Variants in DOCK1 observed in about 807,000 individuals in gnomAD.
The protein encoded by DOCK1 is dedicator of cytokinesis protein 1.
In DOCK1, 138 loss-of-function variants were observed where a neutral mutation model predicts 262.7. That is an observed-to-expected ratio of 0.53 (90% CI 0.46 to 0.61). DOCK1 has a LOEUF of 0.61. DOCK1 is among the 20% of genes least tolerant of loss of function. The pLI is 0.00. For synonymous variants in DOCK1, 866 were observed against 867.4 expected, an observed-to-expected ratio of 1.00 and a Z score of 0.03; for missense variants, 1,908 against 2,370.7, an observed-to-expected ratio of 0.80 and a Z score of 4.05.
chr10:127,196,516 G>A (rs1349070287), intron 27 of DOCK1, among the ~76,000 whole-genome samples: 3 of 147,934 alleles, frequency 2.0e-5, no homozygotes, highest in East Asian at 2.0e-4. Context: ...GGAGCCGGGC[G>A]GCCAGAGGCG....
intron 35 of DOCK1, among the ~76,000 whole-genome samples, chr10:127,377,752 C>T (rs749278404): frequency 6.6e-6 from 1 of 151,840 alleles, no homozygotes; most frequent in Non-Finnish European, 1.5e-5. Flanking sequence ...ATTAGCTGGG[C>T]ATGGTGTTGG....
At chr10:127,148,124 C>T (rs904407423) in intron 27 of DOCK1, among the ~76,000 whole-genome samples, 18 of 151,544 alleles carry the variant, frequency 1.2e-4, no homozygotes, top group African/African-American at 3.6e-4. Context: ...CACAGCAATG[C>T]GTTTCACAAG....
intron 47 of DOCK1, among the ~76,000 whole-genome samples, chr10:127,431,720 G>A (rs1420966745): frequency 6.6e-6 from 1 of 152,188 alleles, no homozygotes; most frequent in Non-Finnish European, 1.5e-5. Flanking sequence ...TTGACAGGCA[G>A]GCCATGCTCA....
chr10:127,395,600 T>C (rs1342796368), intron 38 of DOCK1, among the ~76,000 whole-genome samples: 3 of 152,176 alleles, frequency 2.0e-5, no homozygotes, highest in Non-Finnish European at 4.4e-5. Flanking sequence ...TTCGTGAAAG[T>C]AGAAAATAAT....
chr10:127,313,298 T>C (rs1374310926), intron 29 of DOCK1, among the ~76,000 whole-genome samples: 1 of 152,124 alleles, frequency 6.6e-6, no homozygotes, highest in Non-Finnish European at 1.5e-5. Context: ...GCAGGGACAA[T>C]GTCCTAAGCA....
chr10:127,322,245 A>C (rs974105629), intron 29 of DOCK1, among the ~76,000 whole-genome samples: 3 of 146,144 alleles, frequency 2.1e-5, no homozygotes, highest in Non-Finnish European at 4.5e-5. Context: ...GCTAGAGTGC[A>C]GTGGTGTGAT....
chr10:126,986,506 A>C (rs376118353), intron 4 of DOCK1, among the ~76,000 whole-genome samples: 34 of 152,200 alleles, frequency 2.2e-4, no homozygotes, highest in African/African-American at 8.2e-4. Flanking sequence ...TCTCCCCCTA[A>C]CCCTCAGTAG....
intron 49 of DOCK1, among the ~76,000 whole-genome samples, chr10:127,439,622 C>A (rs2069946666): frequency 1.3e-5 from 2 of 152,222 alleles, no homozygotes; most frequent in African/African-American, 4.8e-5. Flanking sequence ...GACTGGAACT[C>A]TTCTAAGCTA....
At chr10:127,256,954 C>A (rs72836435) in intron 28 of DOCK1, among the ~76,000 whole-genome samples, 5 of 152,274 alleles carry the variant, frequency 3.3e-5, no homozygotes, top group Non-Finnish European at 7.4e-5. Context: ...TCCTGTTCAT[C>A]ATGAAAAATT....
At chr10:127,035,732 A>G (rs2043550137) in intron 18 of DOCK1, among the ~76,000 whole-genome samples, 1 of 152,112 alleles carries the variant, frequency 6.6e-6, no homozygotes, top group African/African-American at 2.4e-5. Flanking sequence ...CATGTTGCCC[A>G]GGTGCAGTGG....
intron 27 of DOCK1, chr10:127,196,196 T>C (rs2057128750): frequency 6.7e-6 from 1 of 149,484 alleles, no homozygotes; most frequent in African/African-American, 2.4e-5. Context: ...CCTCCACCGC[T>C]GCCGGCCCGG....
Position 127,063,877 on chromosome 10 carries a change from C to CGT in DOCK1, c.2445+2107_2445+2108dup, listed in dbSNP as rs2045693370. Among the ~76,000 whole-genome samples, 6 of 152,294 alleles carry CGT rather than the reference C, an allele frequency of 3.9e-5. 1 individual carries two copies. In the South Asian group the frequency reaches 1.2e-3, roughly 32 times the overall value. On this transcript the variant is annotated intron_variant, in intron 23 of 51. Transcript: ENST00000623213. The stretch of plus-strand genomic sequence containing the variant: ...TATAAGACACAAGTGAATTGAGTGA[C>CGT]GTGTGTGCATTGATGCAAACCTTAC...
chr10:126,999,747 G>A (rs2135140041), intron 9 of DOCK1, among the ~76,000 whole-genome samples: 1 of 152,274 alleles, frequency 6.6e-6, no homozygotes, highest in African/African-American at 2.4e-5. Context: ...CGTGATCTCG[G>A]CTCACTGCAA....
At chr10:127,257,925 A>T (rs951542060) in intron 29 of DOCK1, 1 of 152,334 alleles carries the variant, frequency 6.6e-6, no homozygotes, top group African/African-American at 2.4e-5. Flanking sequence ...TTTCTAGCAC[A>T]TTGGGTTTTA....
intron 14 of DOCK1, among the ~76,000 whole-genome samples, chr10:127,023,943 G>C (rs1475139737): frequency 6.6e-6 from 1 of 152,208 alleles, no homozygotes; most frequent in Admixed American, 6.5e-5. Flanking sequence ...CTGAGCACCT[G>C]CTCATGACAG....
chr10:127,202,525 C>G (rs2057518228), intron 27 of DOCK1, among the ~76,000 whole-genome samples: 1 of 152,104 alleles, frequency 6.6e-6, no homozygotes, highest in African/African-American at 2.4e-5. Flanking sequence ...GTAGGAACTT[C>G]CTTGTTTGCC....
At chr10:127,196,711 G>GGAGGAGGAGGAGGAA (rs1220519849) in intron 27 of DOCK1, among the ~76,000 whole-genome samples, 1 of 93,038 alleles carries the variant, frequency 1.1e-5, no homozygotes, top group African/African-American at 3.5e-5. Flanking sequence ...CGCCAGAGCT[G>GGAGGAGGAGGAGGAA]GAGGAGGAGG....
At chr10:126,976,608 T>C (rs10830183) in intron 2 of DOCK1, among the ~76,000 whole-genome samples, 21,080 of 152,200 alleles carry the variant, frequency 0.14, 1,975 homozygotes, top group East Asian at 0.48. Context: ...TTTGCCTTTT[T>C]AATAGTGTAA....
intron 23 of DOCK1, among the ~76,000 whole-genome samples, chr10:127,099,768 A>G (rs144198491): frequency 6.6e-6 from 1 of 152,214 alleles, no homozygotes; most frequent in African/African-American, 2.4e-5. Context: ...ATCACGTTTC[A>G]GCATGAGAGA....
Sources: gnomAD v4.1 joint callset for allele counts (sites outside exome capture counted in the v4.1 genomes callset) on GRCh38, gnomAD v4.1.1 for gene constraint, MANE v1.5 for transcripts, NCBI Gene and HGNC (gene_info 2026-07-23, HGNC 2026-07-21) for gene names.